Variants in ANKS1B observed in about 807,000 individuals in gnomAD.
ANKS1B encodes ankyrin repeat and sterile alpha motif domain containing 1B.
ANKS1B carries 36 observed loss-of-function variants against 148.3 expected under a neutral mutation model. The observed-to-expected ratio is 0.24, with a 90% CI of 0.19 to 0.32. The LOEUF (loss-of-function observed/expected upper bound fraction) is 0.32, where lower values mean the gene tolerates loss of function less well. Ranked by LOEUF, ANKS1B falls within the 10% of genes least tolerant of loss-of-function variation. ANKS1B has a pLI of 1.00. For synonymous variants in ANKS1B, 542 were observed against 560.8 expected (o/e 0.97, Z 0.47); for missense variants, 1,157 against 1,542.6 (o/e 0.75, Z 4.19).
chr12:99,954,348 C>T (rs2095280288), intron 1 of ANKS1B, among the ~76,000 whole-genome samples: 1 of 152,320 alleles, frequency 6.6e-6, no homozygotes, highest in East Asian at 1.9e-4. Flanking sequence ...GCCTTCTTAA[C>T]TGACCTTCAA....
chr12:98,944,167 G>T (rs1567927160), intron 17 of ANKS1B, among the ~76,000 whole-genome samples: 1 of 152,050 alleles, frequency 6.6e-6, no homozygotes, highest in African/African-American at 2.4e-5. Flanking sequence ...GGGTGTGGGG[G>T]CACGTGCCTG....
At position 99,650,293 on chromosome 12, in the gene ANKS1B, A is replaced by ACT. The variant is rs748125334; in HGVS notation, c.1272+4772_1272+4773dup. Among the ~76,000 whole-genome samples the ACT allele has an allele frequency of 8.2e-4, 121 of 147,946 alleles. 1 individual carries two copies. The highest frequency in any genetic ancestry group is 2.4e-4 in the South Asian group (1 of 4,128). On this transcript the variant is annotated intron_variant, in intron 9 of 26. Transcript: ENST00000683438. ...AGAACCCAGGAATACACACACACAG[A>ACT]CTCTCTCTCTCTCTCCTCTCTCTCT...
intron 17 of ANKS1B, among the ~76,000 whole-genome samples, chr12:99,039,577 A>G (rs894374315): frequency 6.6e-6 from 1 of 152,138 alleles, no homozygotes; most frequent in South Asian, 2.1e-4. Flanking sequence ...AGAAACTGAA[A>G]TTGGCTCATC....
intron 1 of ANKS1B, among the ~76,000 whole-genome samples, chr12:99,828,489 C>G (rs2083482617): frequency 6.6e-6 from 1 of 151,960 alleles, no homozygotes; most frequent in Admixed American, 6.6e-5. Context: ...CCAAAGACAT[C>G]CAATCACTTG....
At chr12:99,388,867 G>C (rs77244737) in intron 12 of ANKS1B, among the ~76,000 whole-genome samples, 1 of 152,254 alleles carries the variant, frequency 6.6e-6, no homozygotes, top group Non-Finnish European at 1.5e-5. Flanking sequence ...GAAATTTAAG[G>C]AATCAGCTTA....
intron 17 of ANKS1B, among the ~76,000 whole-genome samples, chr12:98,928,855 G>T (rs11109676): frequency 0.08 from 12,140 of 151,900 alleles, 663 homozygotes; most frequent in Admixed American, 0.17. Flanking sequence ...AATGGCGAAA[G>T]ACCAGATGTT....
At chr12:99,244,294 C>G (rs765828577) in intron 14 of ANKS1B, 48 bp downstream of exon 14, 2 of 1,299,756 alleles carry the variant, frequency 1.5e-6, no homozygotes, top group African/African-American at 1.5e-5. Flanking sequence ...TTTCTCACTA[C>G]TCCTTAAGCA....
chr12:99,861,851 G>A (rs1279851603), intron 1 of ANKS1B, among the ~76,000 whole-genome samples: 9 of 150,976 alleles, frequency 6.0e-5, no homozygotes, highest in African/African-American at 1.7e-4. Flanking sequence ...GCTGTTATAC[G>A]AAAGTGAATG....
chr12:99,892,359 T>C (rs953344681), intron 1 of ANKS1B, among the ~76,000 whole-genome samples: 2 of 152,146 alleles, frequency 1.3e-5, no homozygotes, highest in Non-Finnish European at 2.9e-5. Context: ...TTAACCTACA[T>C]ATACACTCTC....
chr12:99,431,376 C>T (rs1359662272), intron 11 of ANKS1B, among the ~76,000 whole-genome samples: 1 of 152,130 alleles, frequency 6.6e-6, no homozygotes, highest in Non-Finnish European at 1.5e-5. Flanking sequence ...TTCCCTTTCT[C>T]AACAGTGTGA....
intron 9 of ANKS1B, among the ~76,000 whole-genome samples, chr12:99,535,191 C>CA (rs1596517585): frequency 2.0e-5 from 3 of 152,290 alleles, no homozygotes; most frequent in East Asian, 3.9e-4. Flanking sequence ...GAATTAGTCA[C>CA]ATATCTGCTT....
At chr12:99,676,350 A>T (rs564231327) in intron 8 of ANKS1B, among the ~76,000 whole-genome samples, 15 of 152,334 alleles carry the variant, frequency 9.8e-5, no homozygotes, top group Non-Finnish European at 1.8e-4. Flanking sequence ...ACATCTCTGT[A>T]TGACAGGTGA....
chr12:99,212,342 C>A (rs1476674893), intron 14 of ANKS1B, among the ~76,000 whole-genome samples: 1 of 137,372 alleles, frequency 7.3e-6, no homozygotes, highest in East Asian at 2.2e-4. Flanking sequence ...TTTTCCATGC[C>A]TTTACACGTG....
At chr12:99,573,532 T>C (rs2097484176) in intron 9 of ANKS1B, among the ~76,000 whole-genome samples, 1 of 152,080 alleles carries the variant, frequency 6.6e-6, no homozygotes, top group Admixed American at 6.6e-5. Context: ...CTTTATTGTA[T>C]GTATCTGAAA....
chr12:99,298,028 TTGAA>T (rs2081128947), intron 12 of ANKS1B, among the ~76,000 whole-genome samples: 1 of 152,242 alleles, frequency 6.6e-6, no homozygotes, highest in African/African-American at 2.4e-5. Flanking sequence ...CAGAAACAAT[TTGAA>T]TGAAGACCAC....
chr12:99,433,853 C>G (rs989060093), intron 11 of ANKS1B, among the ~76,000 whole-genome samples: 1 of 152,046 alleles, frequency 6.6e-6, no homozygotes, highest in Non-Finnish European at 1.5e-5. Flanking sequence ...TCAATGAACT[C>G]CATCAGTGAA....
intron 9 of ANKS1B, among the ~76,000 whole-genome samples, chr12:99,528,330 G>T (rs1022859508): frequency 6.6e-6 from 1 of 150,742 alleles, no homozygotes; most frequent in Non-Finnish European, 1.5e-5. Flanking sequence ...ATTTCCTGAT[G>T]AAGATGCCAA....
At chr12:99,923,150 T>A (rs1335768489) in intron 1 of ANKS1B, among the ~76,000 whole-genome samples, 1 of 152,186 alleles carries the variant, frequency 6.6e-6, no homozygotes, top group African/African-American at 2.4e-5. Context: ...CAGCATTCCA[T>A]CAAGACCTTA....
intron 9 of ANKS1B, among the ~76,000 whole-genome samples, chr12:99,637,598 C>A (rs538236342): frequency 6.6e-6 from 1 of 151,940 alleles, no homozygotes; most frequent in Non-Finnish European, 1.5e-5. Flanking sequence ...GGCAGAAGAA[C>A]GTGAAAAGAA....
Sources: allele counts gnomAD v4.1 joint callset (sites outside exome capture counted in the v4.1 genomes callset), GRCh38; gene constraint gnomAD v4.1.1; transcripts MANE v1.5; gene names NCBI Gene and HGNC (gene_info 2026-07-23, HGNC 2026-07-21).